Variants in EDIL3 observed in about 807,000 individuals in gnomAD.
EDIL3 encodes EGF-like repeat and discoidin I-like domain-containing protein 3.
In EDIL3, 37 loss-of-function variants were observed where a neutral mutation model predicts 67.4. That is an observed-to-expected ratio of 0.55 (90% CI 0.42 to 0.72). The LOEUF (loss-of-function observed/expected upper bound fraction) is 0.72, where lower values mean the gene tolerates loss of function less well. Ranked by LOEUF, EDIL3 falls within the 30% of genes least tolerant of loss-of-function variation. The probability of loss-of-function intolerance (pLI) is 0.00; values close to 1 mark genes in which losing one functional copy is unlikely to be tolerated. For synonymous variants in EDIL3, 195 were observed against 196.3 expected, an observed-to-expected ratio of 0.99 and a Z score of 0.05; for missense variants, 527 against 586.3, an observed-to-expected ratio of 0.90 and a Z score of 1.04.
At chr5:83,994,380 C>CTT (rs34951042) in intron 9 of EDIL3, among the ~76,000 whole-genome samples, 5 of 143,858 alleles carry the variant, frequency 3.5e-5, no homozygotes, top group African/African-American at 1.0e-4. Flanking sequence ...TTTCACAAGG[C>CTT]TTTTTTTTTT....
chr5:84,154,565 T>TC (rs1389081281), intron 4 of EDIL3, among the ~76,000 whole-genome samples: 66 of 151,924 alleles, frequency 4.3e-4, no homozygotes, highest in African/African-American at 1.6e-3. Context: ...AGTTTTTTTT[T>TC]CTGGAATATT....
At chr5:84,346,139 T>C (rs1002493379) in intron 1 of EDIL3, among the ~76,000 whole-genome samples, 31 of 147,304 alleles carry the variant, frequency 2.1e-4, no homozygotes, top group Middle Eastern at 3.5e-3. Flanking sequence ...TTTTTTCTTT[T>C]TTTTTTTTTT....
chr5:84,065,827 G>A (rs1385738586), intron 7 of EDIL3, among the ~76,000 whole-genome samples: 3 of 152,006 alleles, frequency 2.0e-5, no homozygotes, highest in East Asian at 3.9e-4. Context: ...TAAGGAGTGC[G>A]TTAATCAGCC....
intron 1 of EDIL3, among the ~76,000 whole-genome samples, chr5:84,331,804 C>T (rs547880175): frequency 1.3e-4 from 20 of 152,232 alleles, no homozygotes; most frequent in African/African-American, 4.8e-4. Context: ...CATTTATGTT[C>T]TTTTTAACAC....
intron 3 of EDIL3, among the ~76,000 whole-genome samples, chr5:84,223,705 G>A (rs1475712913): frequency 6.6e-6 from 1 of 151,394 alleles, no homozygotes; most frequent in Non-Finnish European, 1.5e-5. Flanking sequence ...TGTACAGTAT[G>A]AGTACTATGG....
chr5:84,276,554 A>G (rs1156984244), intron 1 of EDIL3, among the ~76,000 whole-genome samples: 3 of 151,564 alleles, frequency 2.0e-5, no homozygotes, highest in Non-Finnish European at 2.9e-5. Flanking sequence ...TTCTCTTGCC[A>G]TTGCTTTGAT....
chr5:84,292,753 T>C (rs754382656), intron 1 of EDIL3, among the ~76,000 whole-genome samples: 3 of 152,154 alleles, frequency 2.0e-5, no homozygotes, highest in South Asian at 2.1e-4. Context: ...CCCAGAGTTA[T>C]TGCTAATGTG....
chr5:84,056,024 A>G (rs1159645276), intron 9 of EDIL3, among the ~76,000 whole-genome samples: 3 of 152,194 alleles, frequency 2.0e-5, no homozygotes, highest in South Asian at 2.1e-4. Context: ...TGTTTATTGC[A>G]GCACTCCTCA....
chr5:84,160,183 T>C (rs1029609990), intron 4 of EDIL3, among the ~76,000 whole-genome samples: 4 of 152,170 alleles, frequency 2.6e-5, no homozygotes, highest in African/African-American at 9.6e-5. Context: ...CCTCTGTCAA[T>C]ACATGAGGTA....
At chr5:84,340,343 T>A (rs73144545) in intron 1 of EDIL3, among the ~76,000 whole-genome samples, 422 of 151,714 alleles carry the variant, frequency 2.8e-3, no homozygotes, top group African/African-American at 9.9e-3. Flanking sequence ...AACCCTGCAG[T>A]ACCTCAGTTA....
At chr5:84,204,054 T>A (rs112103322) in intron 3 of EDIL3, among the ~76,000 whole-genome samples, 1,582 of 152,276 alleles carry the variant, frequency 0.01, 33 homozygotes, top group African/African-American at 0.036. Context: ...TTACTTTTAT[T>A]CTTAAAAAAC....
chr5:84,254,291 G>A, intron 1 of EDIL3, 79 bp from the exon 2 acceptor site: 1 of 1,464,064 alleles, frequency 6.8e-7, no homozygotes, highest in Middle Eastern at 1.8e-4. Flanking sequence ...CTTTGCTATG[G>A]ATGTTCCCTT....
At chr5:84,023,724 G>A (rs1234784131) in intron 9 of EDIL3, among the ~76,000 whole-genome samples, 1 of 151,928 alleles carries the variant, frequency 6.6e-6, no homozygotes, top group Admixed American at 6.6e-5. Flanking sequence ...AAACAACTGG[G>A]TATCAAGGTT....
intron 3 of EDIL3, among the ~76,000 whole-genome samples, chr5:84,210,713 T>G (rs1165512927): frequency 1.3e-5 from 2 of 152,326 alleles, no homozygotes; most frequent in South Asian, 4.1e-4. Context: ...TACTGAACTG[T>G]ATTGGCTGAG....
intron 1 of EDIL3, among the ~76,000 whole-genome samples, chr5:84,353,685 T>C (rs984210048): frequency 2.6e-5 from 4 of 152,186 alleles, no homozygotes; most frequent in Non-Finnish European, 5.9e-5. Flanking sequence ...AATAACATAT[T>C]TTCCACTTCA....
chr5:84,256,285 G>A (rs890318282), intron 1 of EDIL3, among the ~76,000 whole-genome samples: 1 of 152,086 alleles, frequency 6.6e-6, no homozygotes, highest in Non-Finnish European at 1.5e-5. Flanking sequence ...GGTAAGTGCT[G>A]TATATACCAA....
chr5:84,170,379 G>C (rs979203298), intron 4 of EDIL3, among the ~76,000 whole-genome samples: 2 of 152,158 alleles, frequency 1.3e-5, no homozygotes, highest in Non-Finnish European at 2.9e-5. Flanking sequence ...AAAACGGCTA[G>C]GCTTGACCTT....
intron 2 of EDIL3, among the ~76,000 whole-genome samples, chr5:84,233,347 G>A (rs979861218): frequency 2.0e-5 from 3 of 152,032 alleles, no homozygotes; most frequent in Non-Finnish European, 2.9e-5. Context: ...GTAGATAATC[G>A]CCACGAACAC....
At chr5:84,151,115 T>C (rs930696263) in intron 4 of EDIL3, among the ~76,000 whole-genome samples, 1 of 152,172 alleles carries the variant, frequency 6.6e-6, no homozygotes, top group African/African-American at 2.4e-5. Flanking sequence ...CAGGTTCATA[T>C]ATGTGTCAAA....
Sources: allele counts gnomAD v4.1 joint callset (sites outside exome capture counted in the v4.1 genomes callset), GRCh38; gene constraint gnomAD v4.1.1; transcripts MANE v1.5; gene names NCBI Gene and HGNC (gene_info 2026-07-23, HGNC 2026-07-21).